Variants in SEM1 observed in about 807,000 individuals in gnomAD.
SEM1 encodes the protein SEM1 26S proteasome subunit, also known as 26S proteasome complex subunit SEM1.
Under a neutral mutation model 12.7 loss-of-function variants are expected in SEM1, and 3 were observed. That is an observed-to-expected ratio of 0.24 (90% CI 0.11 to 0.61). The LOEUF (loss-of-function observed/expected upper bound fraction) is 0.61, where lower values mean the gene tolerates loss of function less well. Ranked by LOEUF, SEM1 falls within the 20% of genes least tolerant of loss-of-function variation. The probability of loss-of-function intolerance (pLI) is 0.88; values close to 1 mark genes in which losing one functional copy is unlikely to be tolerated. For synonymous variants in SEM1, 30 were observed against 27.8 expected (o/e 1.08, Z -0.25); for missense variants, 59 against 81.3 (o/e 0.73, Z 1.06).
At chr7:96,579,835 A>G (rs997581603) in intron 2 of SEM1, among the ~76,000 whole-genome samples, 3 of 152,174 alleles carry the variant, frequency 2.0e-5, no homozygotes, top group Non-Finnish European at 2.9e-5. Flanking sequence ...CCTAAGATGT[A>G]AGCAATAGGG....
chr7:96,539,411 T>A (rs767033099), intron 2 of SEM1, among the ~76,000 whole-genome samples: 34 of 151,732 alleles, frequency 2.2e-4, no homozygotes, highest in Non-Finnish European at 4.4e-4. Context: ...AAGAAAAAAA[T>A]TCCATTCACA....
intron 2 of SEM1, among the ~76,000 whole-genome samples, chr7:96,559,971 C>T (rs191738526): frequency 1.7e-3 from 259 of 152,302 alleles, no homozygotes; most frequent in Admixed American, 4.3e-3. Flanking sequence ...GGTCACCAGA[C>T]ACTCAATAGA....
chr7:96,608,252 GC>G (rs1444797991), intron 2 of SEM1, among the ~76,000 whole-genome samples: 8 of 152,178 alleles, frequency 5.3e-5, no homozygotes, highest in Non-Finnish European at 1.2e-4. Context: ...TTGTGAAAGA[GC>G]TTTTGTTAGT....
At chr7:96,610,135 T>A (rs1807497699) in intron 2 of SEM1, among the ~76,000 whole-genome samples, 1 of 152,082 alleles carries the variant, frequency 6.6e-6, no homozygotes, top group African/African-American at 2.4e-5. Flanking sequence ...GTTTTGCTCT[T>A]GTTGCCCAGG....
At chr7:96,670,999 C>T (rs1000480955), downstream of SEM1, among the ~76,000 whole-genome samples, 1 of 152,298 alleles carries the variant, frequency 6.6e-6, no homozygotes, top group Middle Eastern at 3.4e-3. Flanking sequence ...ATCAGTACAA[C>T]TGCTCCAAGG....
chr7:96,532,096 A>T (rs1346975376), intron 2 of SEM1, among the ~76,000 whole-genome samples: 1 of 152,018 alleles, frequency 6.6e-6, no homozygotes, highest in Non-Finnish European at 1.5e-5. Context: ...GCCCTTTGAT[A>T]TAGGGGCTGT....
At position 96,555,112 on chromosome 7, in the gene SEM1, C is replaced by T. The variant is rs1256817218; in HGVS notation, c.171-48414G>A. The stretch of plus-strand genomic sequence containing the variant: ...TTTTCTTCTTTATTAGTCTTGCTAG[C>T]GATCTATCAATTTTGTTGATCCTTT... On this transcript the variant is annotated intron_variant and NMD_transcript_variant, in intron 2 of 3. Transcript: ENST00000466986. Among the ~76,000 whole-genome samples, 4 of 150,822 alleles carry T rather than the reference C, an allele frequency of 2.7e-5. No individual in the cohort carries two copies. In the South Asian group the frequency reaches 6.4e-4, roughly 24 times the overall value.
chr7:96,521,839 G>T (rs1180204415), intron 2 of SEM1, among the ~76,000 whole-genome samples: 1 of 151,996 alleles, frequency 6.6e-6, no homozygotes, highest in Admixed American at 6.6e-5. Flanking sequence ...CAGAATTCAG[G>T]CTGCATTTTC....
chr7:96,539,797 T>C (rs1804893516), intron 2 of SEM1, among the ~76,000 whole-genome samples: 1 of 151,682 alleles, frequency 6.6e-6, no homozygotes, highest in Admixed American at 6.6e-5. Flanking sequence ...GTTGAATAAA[T>C]GAAATGTTAA....
At chr7:96,622,013 G>C (rs1280153526), downstream of SEM1, 1 of 152,326 alleles carries the variant, frequency 6.6e-6, no homozygotes, top group Non-Finnish European at 1.5e-5. Context: ...CCTCAGAGGG[G>C]ATTACTTGTC....
At chr7:96,653,351 T>A (rs1328587634) in intron 2 of SEM1, among the ~76,000 whole-genome samples, 1 of 152,224 alleles carries the variant, frequency 6.6e-6, no homozygotes, top group Non-Finnish European at 1.5e-5. Flanking sequence ...AACAAATTGC[T>A]CACCTACTTA....
chr7:96,521,366 C>G (rs1002576259), intron 2 of SEM1, among the ~76,000 whole-genome samples: 1 of 152,082 alleles, frequency 6.6e-6, no homozygotes, highest in Non-Finnish European at 1.5e-5. Context: ...GGTCATCATT[C>G]CCCAGCAGGC....
intron 2 of SEM1, among the ~76,000 whole-genome samples, chr7:96,624,454 G>T (rs1807995394): frequency 6.6e-6 from 1 of 152,116 alleles, no homozygotes; most frequent in South Asian, 2.1e-4. Flanking sequence ...GAATGCCTGA[G>T]TTTGCATCCC....
At chr7:96,688,704 G>T, downstream of SEM1, 1 of 417,118 alleles carries the variant, frequency 2.4e-6, no homozygotes, top group Non-Finnish European at 4.2e-6. Context: ...ATAAGGTTTT[G>T]GAAAATCATG....
intron 2 of SEM1, among the ~76,000 whole-genome samples, chr7:96,611,838 A>G (rs896410655): frequency 6.6e-6 from 1 of 152,104 alleles, no homozygotes; most frequent in Non-Finnish European, 1.5e-5. Flanking sequence ...TTTAATATAA[A>G]TTATTATCTT....
At chr7:96,631,912 T>G (rs967843807) in intron 2 of SEM1, among the ~76,000 whole-genome samples, 15 of 152,192 alleles carry the variant, frequency 9.9e-5, no homozygotes, top group African/African-American at 3.6e-4. Context: ...CAGACACTTC[T>G]CAAAAGAAGA....
Position 96,622,838 on chromosome 7 carries a change from T to C in SEM1, c.171-195A>G, listed in dbSNP as rs1001468870. The C allele has an allele frequency of 7.5e-6, 4 of 535,810 alleles. No homozygotes were observed. The Admixed American group carries it at 9.4e-5, about 13-fold the overall frequency. The allele number at this position is 535,810 out of a possible 1,614,324, so 33.2% of individuals were successfully genotyped here. A position where few individuals can be genotyped will look rare whatever the true frequency, so the allele number is the denominator to read the frequency against. On this transcript the variant is annotated intron_variant, in intron 2 of 2. Transcript: ENST00000417009. The stretch of plus-strand genomic sequence containing the variant: ...AGGAAGCAGGGAAAACTTACATAAA[T>C]ACAGACATTTCAAAAGGTGAAATTC...
chr7:96,707,189 G>A (rs1273366351), intron 1 of SEM1, among the ~76,000 whole-genome samples: 3 of 152,222 alleles, frequency 2.0e-5, no homozygotes, highest in African/African-American at 7.2e-5. Flanking sequence ...GCAATGCCAA[G>A]TCTGCTGTTT....
exon 4 of SEM1, chr7:96,483,616 T>A: frequency 6.1e-6 from 3 of 490,158 alleles, no homozygotes; most frequent in South Asian, 6.1e-5. Flanking sequence ...GTCTGAAACA[T>A]TGTCAGTTGT....
Sources: gnomAD v4.1 joint callset for allele counts (sites outside exome capture counted in the v4.1 genomes callset) on GRCh38, gnomAD v4.1.1 for gene constraint, MANE v1.5 for transcripts, NCBI Gene and HGNC (gene_info 2026-07-23, HGNC 2026-07-21) for gene names.